BTRC: variants seen among roughly 807,000 people sequenced by gnomAD.
The protein encoded by BTRC is beta-transducin repeat containing E3 ubiquitin protein ligase.
A neutral mutation model predicts 85.5 loss-of-function variants in BTRC; 42 were observed. That is an observed-to-expected ratio of 0.49 (90% CI 0.38 to 0.64). The LOEUF (loss-of-function observed/expected upper bound fraction) is 0.64. BTRC is among the 30% of genes least tolerant of loss of function. The pLI is 0.00. For missense variants in BTRC, 594 were observed against 743.5 expected (o/e 0.80, Z 2.34); for synonymous variants, 255 against 263.3 (o/e 0.97, Z 0.30).
Position 101,556,406 on chromosome 10 carries a change from A to T in BTRC, c.*3283A>T, listed in dbSNP as rs1461960077. The T allele has an allele frequency of 6.6e-6, 1 of 152,120 alleles. No individual in the cohort carries two copies. The highest frequency in any genetic ancestry group is 6.5e-5 in the Admixed American group (1 of 15,274). The allele number at this position is 152,120 out of a possible 1,614,324, so 9.4% of individuals were successfully genotyped here. A position where few individuals can be genotyped will look rare whatever the true frequency, so the allele number is the denominator to read the frequency against. On this transcript the variant is annotated 3_prime_UTR_variant, in exon 15 of 15. Transcript: ENST00000370187. Reference sequence around the variant, plus strand: ...TCAGGGCAATTTTTTTCTTTCCCATAATTGGACTAGATACCTTGGTACTGT... The same window carrying T: ...TCAGGGCAATTTTTTTCTTTCCCATTATTGGACTAGATACCTTGGTACTGT...
chr10:101,354,354 C>T, intron 1 of BTRC, 126 bp downstream of exon 1: 3 of 1,108,602 alleles, frequency 2.7e-6, no homozygotes, highest in Non-Finnish European at 3.7e-6. Context: ...GGCGGAGCGG[C>T]TGGAGGGATG....
chr10:101,378,548 G>A (rs571629517), intron 1 of BTRC, among the ~76,000 whole-genome samples: 6 of 125,290 alleles, frequency 4.8e-5, no homozygotes, highest in Admixed American at 9.7e-5. Flanking sequence ...TTTTTGAGAC[G>A]AAGTCTCACT....
intron 4 of BTRC, among the ~76,000 whole-genome samples, chr10:101,487,491 G>C (rs563975682): frequency 5.9e-5 from 9 of 152,288 alleles, no homozygotes; most frequent in Admixed American, 5.2e-4. Context: ...CAGTGTCTGG[G>C]TTTAACTAAT....
intron 3 of BTRC, among the ~76,000 whole-genome samples, chr10:101,468,706 G>T (rs1945444016): frequency 6.6e-6 from 1 of 152,134 alleles, no homozygotes; most frequent in Non-Finnish European, 1.5e-5. Flanking sequence ...ATCTTGTTAT[G>T]CTATAGGGCT....
chr10:101,451,381 A>G (rs1363518579), intron 2 of BTRC, among the ~76,000 whole-genome samples: 1 of 152,076 alleles, frequency 6.6e-6, no homozygotes, highest in East Asian at 1.9e-4. Flanking sequence ...CCACCCAGTT[A>G]CTTTCTTAGA....
chr10:101,404,329 C>T (rs1308329674), intron 1 of BTRC, among the ~76,000 whole-genome samples: 13 of 151,984 alleles, frequency 8.6e-5, no homozygotes, highest in Admixed American at 8.5e-4. Context: ...CGCGCCCAGC[C>T]AATCCTAGCT....
chr10:101,492,070 A>G (rs1232437868), intron 4 of BTRC, among the ~76,000 whole-genome samples: 1 of 152,188 alleles, frequency 6.6e-6, no homozygotes, highest in African/African-American at 2.4e-5. Context: ...AAAGTATGTA[A>G]GAAACACTTG....
At chr10:101,456,168 C>CAA (rs11321590) in intron 2 of BTRC, among the ~76,000 whole-genome samples, 1 of 136,524 alleles carries the variant, frequency 7.3e-6, no homozygotes, top group African/African-American at 2.8e-5. Flanking sequence ...GACTCTGTTT[C>CAA]AAAAAAAAAA....
chr10:101,433,543 G>T (rs1944453661), intron 2 of BTRC, among the ~76,000 whole-genome samples: 1 of 152,218 alleles, frequency 6.6e-6, no homozygotes, highest in African/African-American at 2.4e-5. Context: ...CCAAGAGCCA[G>T]TGAGGCTTGG....
intron 1 of BTRC, among the ~76,000 whole-genome samples, chr10:101,400,519 A>G (rs1353974112): frequency 6.6e-6 from 1 of 152,202 alleles, no homozygotes; most frequent in Admixed American, 6.5e-5. Context: ...CTGTAGAGGA[A>G]GATGATCCAT....
intron 13 of BTRC, 22 bp from the exon 14 acceptor site, chr10:101,550,677 C>T (rs777778843): frequency 3.7e-6 from 6 of 1,605,020 alleles, no homozygotes; most frequent in Admixed American, 1.7e-5. Flanking sequence ...AGTTCCTACC[C>T]TTTTTGTTTC....
intron 1 of BTRC, among the ~76,000 whole-genome samples, chr10:101,389,610 C>CTTTTTTT (rs34480405): frequency 3.2e-5 from 2 of 62,520 alleles, no homozygotes; most frequent in Non-Finnish European, 5.6e-5. Context: ...TGCCAAACAC[C>CTTTTTTT]TTTTTTTTTT....
rs577921936 is a variant in BTRC, at chr10:101,536,198, T to A, written c.1467-345T>A. 7.2e-5 allele frequency among the ~76,000 whole-genome samples: 11 copies of A among 152,370 alleles called. No individual in the cohort carries two copies. In the East Asian group the frequency reaches 2.1e-3, roughly 29 times the overall value. ...ACATCACTGATAATCTGTATCTCTT[T>A]CAGTTTGGTGACTTCAGGAAACTGC... On this transcript the variant is annotated intron_variant, in intron 11 of 14. Transcript: ENST00000370187.
chr10:101,516,482 C>T (rs1338753410), intron 4 of BTRC, among the ~76,000 whole-genome samples: 6 of 152,096 alleles, frequency 3.9e-5, no homozygotes, highest in African/African-American at 1.4e-4. Flanking sequence ...TAATGGATCT[C>T]AGGTATGTGT....
chr10:101,518,467 A>G lies in BTRC; in HGVS notation c.325-3172A>G, dbSNP rs190391440. Among the ~76,000 whole-genome samples the G allele has an allele frequency of 1.0e-3, 159 of 152,314 alleles. 1 individual carries two copies. Among genetic ancestry groups the G allele is most frequent in the Middle Eastern group, 0.01 (3 of 294 alleles). On this transcript the variant is annotated intron_variant, in intron 4 of 14. Coordinates refer to ENST00000370187, the MANE Select transcript of BTRC (RefSeq NM_033637.4). Reference sequence around the variant, plus strand: ...CTGGGCTTAGAAGTCCCAGAATGGAATGCAACTTTCTCCCCATTCTCTTAG... The same window carrying G: ...CTGGGCTTAGAAGTCCCAGAATGGAGTGCAACTTTCTCCCCATTCTCTTAG...
chr10:101,534,978 G>A, intron 10 of BTRC, 68 bp downstream of exon 10: 1 of 1,534,406 alleles, frequency 6.5e-7, no homozygotes, highest in Non-Finnish European at 9.0e-7. Flanking sequence ...TTTGATCAAG[G>A]GCAATTTCAT....
At chr10:101,414,950 CTAAGT>C (rs1225753239) in intron 1 of BTRC, among the ~76,000 whole-genome samples, 7 of 151,922 alleles carry the variant, frequency 4.6e-5, no homozygotes, top group Admixed American at 4.6e-4. Flanking sequence ...TCACAGTAAG[CTAAGT>C]TTATTACTAA....
rs1484577706 is a variant in BTRC at position 101,367,028 on chromosome 10, ATATT to A, written c.48+12804_48+12807del. Among the ~76,000 whole-genome samples the A allele has an allele frequency of 1.1e-3, 67 of 61,392 alleles. 9 individuals are homozygous for A. Among genetic ancestry groups the A allele is most frequent in the East Asian group, 1.5e-3 (5 of 3,362 alleles). 40.3% of individuals were successfully genotyped at this position (61,392 alleles called of 152,430 possible). A position where few individuals can be genotyped will look rare whatever the true frequency, so the allele number is the denominator to read the frequency against. On this transcript the variant is annotated intron_variant, in intron 1 of 14. Coordinates refer to ENST00000370187, the MANE Select transcript of BTRC (RefSeq NM_033637.4). ...TATTTATATATATATTTATATTTAT[ATATT>A]TATATATATAAATATATATATATAT...
intron 1 of BTRC, among the ~76,000 whole-genome samples, chr10:101,395,026 G>A (rs1019079969): frequency 4.6e-5 from 7 of 152,086 alleles, no homozygotes; most frequent in African/African-American, 9.7e-5. Context: ...CAGCAGTAGC[G>A]CCTAAATTCA....
Sources: gnomAD v4.1 joint callset for allele counts (sites outside exome capture counted in the v4.1 genomes callset) on GRCh38, gnomAD v4.1.1 for gene constraint, MANE v1.5 for transcripts, NCBI Gene and HGNC (gene_info 2026-07-23, HGNC 2026-07-21) for gene names.